The following CCDC192 variants were observed in gnomAD, a reference collection of about 807,000 sequenced individuals.
CCDC192 encodes the protein coiled-coil domain-containing protein 192.
intron 6 of CCDC192, among the ~76,000 whole-genome samples, chr5:127,903,669 A>G (rs7708799): frequency 0.21 from 32,247 of 152,180 alleles, 3,563 homozygotes; most frequent in East Asian, 0.32. Context: ...ATATAGCCTG[A>G]GAACAGAAAA....
At chr5:127,934,192 C>A (rs200145233) in intron 6 of CCDC192, among the ~76,000 whole-genome samples, 3 of 150,020 alleles carry the variant, frequency 2.0e-5, no homozygotes, top group Non-Finnish European at 4.5e-5. Context: ...TATTTGTTCC[C>A]TTCTAAGTCA....
chr5:127,820,785 T>C (rs1580709453), intron 5 of CCDC192, among the ~76,000 whole-genome samples: 2 of 152,336 alleles, frequency 1.3e-5, no homozygotes, highest in African/African-American at 4.8e-5. Flanking sequence ...TTCAAATATA[T>C]GTATCATCTG....
chr5:127,929,240 A>G (rs1050200000), intron 6 of CCDC192, among the ~76,000 whole-genome samples: 5 of 152,244 alleles, frequency 3.3e-5, no homozygotes, highest in Non-Finnish European at 5.9e-5. Flanking sequence ...CCGCTGCTGT[A>G]GTATCTTTTG....
chr5:127,754,461 C>T (rs535454952), intron 3 of CCDC192, 86 bp downstream of exon 3: 5 of 385,410 alleles, frequency 1.3e-5, no homozygotes, highest in African/African-American at 6.6e-5. Context: ...TTTAACCTCT[C>T]CCTCTACTGA....
intron 2 of CCDC192, among the ~76,000 whole-genome samples, chr5:127,718,412 T>G (rs915127738): frequency 6.6e-6 from 1 of 152,140 alleles, no homozygotes; most frequent in Non-Finnish European, 1.5e-5. Context: ...ACCCATGACA[T>G]TTTTTTCTCC....
At chr5:127,850,253 CTACAT>C (rs1561522383) in intron 5 of CCDC192, among the ~76,000 whole-genome samples, 1 of 152,178 alleles carries the variant, frequency 6.6e-6, no homozygotes, top group African/African-American at 2.4e-5. Context: ...TAAAATTCAG[CTACAT>C]TCTGCTGGTC....
At chr5:127,877,917 G>T (rs143263003) in intron 6 of CCDC192, among the ~76,000 whole-genome samples, 97 of 152,270 alleles carry the variant, frequency 6.4e-4, no homozygotes, top group African/African-American at 2.1e-3. Context: ...TAAGGAGAAA[G>T]GGTGATTTAC....
intron 6 of CCDC192, among the ~76,000 whole-genome samples, chr5:127,934,929 C>G (rs1754146986): frequency 6.6e-6 from 1 of 152,180 alleles, no homozygotes; most frequent in South Asian, 2.1e-4. Context: ...GGCATTTGTA[C>G]AGAGGAGGAA....
chr5:127,917,311 G>T (rs534571769), intron 6 of CCDC192, among the ~76,000 whole-genome samples: 5 of 152,124 alleles, frequency 3.3e-5, no homozygotes, highest in African/African-American at 1.2e-4. Flanking sequence ...CAGCAATAAG[G>T]CTGTTTTCTT....
intron 6 of CCDC192, among the ~76,000 whole-genome samples, chr5:127,888,763 T>C (rs1752648356): frequency 6.6e-6 from 1 of 152,220 alleles, no homozygotes; most frequent in African/African-American, 2.4e-5. Context: ...TGAGAATCAG[T>C]GCCTAGTTTT....
intron 6 of CCDC192, among the ~76,000 whole-genome samples, chr5:127,893,553 A>G (rs894110225): frequency 1.3e-5 from 2 of 152,068 alleles, no homozygotes; most frequent in Admixed American, 6.6e-5. Context: ...GAGTTATTAC[A>G]CTCTTCTATA....
intron 1 of CCDC192, among the ~76,000 whole-genome samples, chr5:127,705,929 C>T (rs531697231): frequency 1.3e-5 from 2 of 152,188 alleles, no homozygotes; most frequent in South Asian, 4.1e-4. Flanking sequence ...GTTTGTTTTC[C>T]ATTTCATGAT....
chr5:127,800,399 A>AAAAAAAAAAAAAAAAAAAAT (rs1561495809), intron 5 of CCDC192, among the ~76,000 whole-genome samples: 1 of 109,252 alleles, frequency 9.2e-6, no homozygotes. Context: ...AAAAAAAAAA[A>AAAAAAAAAAAAAAAAAAAAT]AACAACAACA....
rs1420529958 is a variant in CCDC192 at position 127,719,303 on chromosome 5, T to C, written c.114+11543T>C. Among the ~76,000 whole-genome samples the C allele has an allele frequency of 3.3e-5, 5 of 151,892 alleles. No individual in the cohort carries two copies. In the East Asian group the frequency reaches 9.7e-4, roughly 29 times the overall value. On this transcript the variant is annotated intron_variant, in intron 2 of 6. Transcript: ENST00000514853. ...TTTTCTTTTTCTATTCATCCGTTGA[T>C]GGACACTTAGACTGCTTCCAAATCC...
chr5:127,914,363 A>G (rs553939752), intron 6 of CCDC192, among the ~76,000 whole-genome samples: 1 of 152,302 alleles, frequency 6.6e-6, no homozygotes, highest in East Asian at 1.9e-4. Context: ...TTAAGATGTG[A>G]AAAGTAACCC....
chr5:127,802,432 T>C (rs1757555491), intron 5 of CCDC192, among the ~76,000 whole-genome samples: 1 of 152,066 alleles, frequency 6.6e-6, no homozygotes, highest in Admixed American at 6.6e-5. Context: ...CTCATCTCCA[T>C]CTCCATCTGC....
chr5:127,902,967 A>C (rs1753084000), intron 6 of CCDC192, among the ~76,000 whole-genome samples: 1 of 152,174 alleles, frequency 6.6e-6, no homozygotes, highest in Non-Finnish European at 1.5e-5. Context: ...GCTTAAACAA[A>C]AAAGGGAATG....
chr5:127,917,027 T>C (rs893625163), intron 6 of CCDC192, among the ~76,000 whole-genome samples: 2 of 152,260 alleles, frequency 1.3e-5, no homozygotes, highest in African/African-American at 2.4e-5. Context: ...CTCCTCCATT[T>C]GTTACCTTAG....
intron 6 of CCDC192, among the ~76,000 whole-genome samples, chr5:127,894,375 A>G (rs1488647626): frequency 6.6e-6 from 1 of 151,544 alleles, no homozygotes; most frequent in East Asian, 1.9e-4. Context: ...TGTATTTTTA[A>G]TAGAGACAGG....
Sources: gnomAD v4.1 joint callset for allele counts (sites outside exome capture counted in the v4.1 genomes callset) on GRCh38, gnomAD v4.1.1 for gene constraint, MANE v1.5 for transcripts, NCBI Gene and HGNC (gene_info 2026-07-23, HGNC 2026-07-21) for gene names.